PRKCB: variants seen among roughly 807,000 people sequenced by gnomAD.
PRKCB encodes the protein protein kinase C beta type.
PRKCB carries 13 observed loss-of-function variants against 81.5 expected under a neutral mutation model. The observed-to-expected ratio is 0.16, with a 90% confidence interval of 0.10 to 0.25. The LOEUF (loss-of-function observed/expected upper bound fraction) is 0.25. Among genes scored for constraint, PRKCB ranks in the 10% least tolerant of loss-of-function variants. The probability of loss-of-function intolerance (pLI) is 1.00; values close to 1 mark genes in which losing one functional copy is unlikely to be tolerated. For synonymous variants in PRKCB, 335 were observed against 321.4 expected, an observed-to-expected ratio of 1.04 and a Z score of -0.45; for missense variants, 509 against 875.7, an observed-to-expected ratio of 0.58 and a Z score of 5.29.
Position 24,160,033 on chromosome 16 carries a change from G to A in PRKCB, c.1239+5176G>A, listed in dbSNP as rs544706809. ...AAATATAAAATATTTTCACTCTTAC[G>A]ATCACATCTAATCTTCACAAAAGCA... is the stretch of plus-strand genomic sequence containing the variant. On this transcript the variant is annotated intron_variant, in intron 10 of 16. Coordinates refer to ENST00000643927, the MANE Select transcript of PRKCB (RefSeq NM_002738.7). 4.6e-5 allele frequency among the ~76,000 whole-genome samples: 7 copies of A among 151,748 alleles called. No homozygotes were observed. The South Asian group carries it at 1.0e-3, about 23-fold the overall frequency.
chr16:24,118,209 G>A (rs1966757134), intron 8 of PRKCB, among the ~76,000 whole-genome samples: 1 of 152,198 alleles, frequency 6.6e-6, no homozygotes, highest in African/African-American at 2.4e-5. Context: ...TTGTCTCTCT[G>A]AGCTTCTGAT....
At chr16:24,209,494 C>T (rs1968104383) in intron 16 of PRKCB, among the ~76,000 whole-genome samples, 1 of 152,048 alleles carries the variant, frequency 6.6e-6, no homozygotes, top group Non-Finnish European at 1.5e-5. Flanking sequence ...ACTAAATTTC[C>T]CCCCTCAAAT....
Position 23,854,810 on chromosome 16 carries a change from C to T in PRKCB, c.205+17404C>T, listed in dbSNP as rs145278037. On this transcript the variant is annotated intron_variant, in intron 2 of 16. Transcript: ENST00000643927. ...ACCACACTAATTTCAGTGTGGTCCT[C>T]GCAATTGCTTGGCTGTCTAAAAACA... is the stretch of plus-strand genomic sequence containing the variant. Among the ~76,000 whole-genome samples, 148 of 152,208 alleles carry T rather than the reference C, an allele frequency of 9.7e-4. 1 individual carries two copies. The highest frequency in any genetic ancestry group is 2.6e-3 in the African/African-American group (107 of 41,528).
At chr16:24,198,455 G>A (rs755075893) in intron 16 of PRKCB, among the ~76,000 whole-genome samples, 2 of 152,158 alleles carry the variant, frequency 1.3e-5, no homozygotes, top group Non-Finnish European at 2.9e-5. Context: ...GAGGTGAAGA[G>A]GAAGAGAAAG....
rs1174067280 is a variant in PRKCB, at chr16:24,131,861, T to G, written c.1065+7880T>G. Among the ~76,000 whole-genome samples, 3 of 152,222 alleles carry G rather than the reference T, an allele frequency of 2.0e-5. No homozygotes were observed. In the East Asian group the frequency reaches 5.8e-4, roughly 29 times the overall value. On this transcript the variant is annotated intron_variant, in intron 9 of 16. Coordinates refer to ENST00000643927, the MANE Select transcript of PRKCB (RefSeq NM_002738.7). ...CATAAAATCTTACACTTACACAATG[T>G]AAGATTGAGGTGATTTGGCAGCTCG...
At chr16:24,135,431 G>T (rs1385996680) in intron 9 of PRKCB, among the ~76,000 whole-genome samples, 1 of 150,406 alleles carries the variant, frequency 6.6e-6, no homozygotes, top group African/African-American at 2.5e-5. Flanking sequence ...TCCTGCCTCA[G>T]CCTCCCGAGT....
intron 2 of PRKCB, among the ~76,000 whole-genome samples, chr16:23,865,095 G>T (rs557775926): frequency 3.9e-5 from 6 of 152,214 alleles, no homozygotes; most frequent in African/African-American, 1.2e-4. Context: ...TGACCAAGCT[G>T]ACATTATGAC....
intron 2 of PRKCB, among the ~76,000 whole-genome samples, chr16:23,838,859 A>G (rs902462481): frequency 2.6e-5 from 4 of 152,166 alleles, no homozygotes; most frequent in Non-Finnish European, 4.4e-5. Flanking sequence ...CCTCTGCACC[A>G]CACCAGAGGA....
chr16:24,178,688 C>T (rs187186483), intron 12 of PRKCB, among the ~76,000 whole-genome samples: 1 of 152,314 alleles, frequency 6.6e-6, no homozygotes, highest in African/African-American at 2.4e-5. Flanking sequence ...ATATGAGCAG[C>T]ACCACGGACA....
intron 8 of PRKCB, among the ~76,000 whole-genome samples, chr16:24,115,961 G>A (rs900788574): frequency 1.3e-5 from 2 of 151,404 alleles, no homozygotes; most frequent in African/African-American, 2.4e-5. Context: ...TCCTGACCTC[G>A]TGATCCGTCT....
intron 9 of PRKCB, 51 bp downstream of exon 9, chr16:24,124,032 C>G: frequency 6.2e-7 from 1 of 1,605,850 alleles, no homozygotes; most frequent in Non-Finnish European, 8.5e-7. Flanking sequence ...CATCTAACAA[C>G]ACAGGCACAT....
At chr16:23,982,278 C>T (rs1378427041) in intron 2 of PRKCB, among the ~76,000 whole-genome samples, 1 of 82,848 alleles carries the variant, frequency 1.2e-5, no homozygotes, top group East Asian at 4.1e-4. Flanking sequence ...TTCCCTTTCC[C>T]TTCTCCTTCC....
chr16:24,104,586 C>T (rs9926848), intron 7 of PRKCB, among the ~76,000 whole-genome samples: 30,830 of 152,118 alleles, frequency 0.2, 5,992 homozygotes, highest in African/African-American at 0.51. Context: ...GGAGTGGAGA[C>T]ATTCAGATTT....
intron 2 of PRKCB, among the ~76,000 whole-genome samples, chr16:23,934,668 A>T (rs533656073): frequency 6.6e-6 from 1 of 152,230 alleles, no homozygotes; most frequent in Non-Finnish European, 1.5e-5. Flanking sequence ...AGGAATTGTC[A>T]GTGTTTATAC....
intron 5 of PRKCB, among the ~76,000 whole-genome samples, chr16:24,076,645 A>G (rs1461309504): frequency 6.6e-6 from 1 of 152,176 alleles, no homozygotes; most frequent in Non-Finnish European, 1.5e-5. Context: ...AGTGGGAGAA[A>G]CAGGCACTTC....
At chr16:24,156,393 A>G (rs968960910) in intron 10 of PRKCB, among the ~76,000 whole-genome samples, 2 of 151,622 alleles carry the variant, frequency 1.3e-5, no homozygotes, top group African/African-American at 4.8e-5. Flanking sequence ...TCCCACCTCA[A>G]CCTCCCTAGT....
chr16:23,932,560 G>C (rs1486435597), intron 2 of PRKCB, among the ~76,000 whole-genome samples: 1 of 152,196 alleles, frequency 6.6e-6, no homozygotes, highest in Non-Finnish European at 1.5e-5. Context: ...CTGGGAGTTA[G>C]CATTCAGAAA....
chr16:24,180,817 C>T lies in PRKCB; in HGVS notation c.1422C>T (p.Leu474=), dbSNP rs771588066. Residue 474 remains leucine, a synonymous_variant, in exon 13 of 17, where the codon CTC becomes CTT. Transcript: ENST00000643927. ...YRDLKLDNVM[L]DSEGHIKIAD... Reference sequence around the variant, plus strand: ...ACCTAAAACTTGACAACGTGATGCTCGATTCTGAGGGACACATCAAGATTG... The same window carrying T: ...ACCTAAAACTTGACAACGTGATGCTTGATTCTGAGGGACACATCAAGATTG... 37 of 1,613,892 alleles carry T rather than the reference C, an allele frequency of 2.3e-5. No homozygotes were observed. Among genetic ancestry groups the T allele is most frequent in the Admixed American group, 3.3e-5 (2 of 59,970 alleles).
intron 2 of PRKCB, among the ~76,000 whole-genome samples, chr16:23,853,055 C>T (rs1249696578): frequency 5.9e-5 from 9 of 152,154 alleles, no homozygotes; most frequent in African/African-American, 2.2e-4. Context: ...CAATGTTGCC[C>T]ATCGGTTCCA....
Sources: allele counts gnomAD v4.1 joint callset (sites outside exome capture counted in the v4.1 genomes callset), GRCh38; gene constraint gnomAD v4.1.1; transcripts MANE v1.5; gene names NCBI Gene and HGNC (gene_info 2026-07-23, HGNC 2026-07-21).